The following SPOCK1 variants were observed in gnomAD, a reference collection of about 807,000 sequenced individuals.
The protein encoded by SPOCK1 is SPARC (osteonectin), cwcv and kazal like domains proteoglycan 1.
In SPOCK1, 23 loss-of-function variants were observed where a neutral mutation model predicts 55.3. The ratio of observed to expected loss-of-function variants is 0.42; its 90% confidence interval spans 0.30 to 0.59. SPOCK1 has a LOEUF of 0.59. SPOCK1 is among the 20% of genes least tolerant of loss of function. The pLI is 0.22. For synonymous variants in SPOCK1, 226 were observed against 221.0 expected (o/e 1.02, Z -0.20); for missense variants, 499 against 552.5 (o/e 0.90, Z 0.97).
At chr5:137,293,318 T>C (rs1387902440) in intron 2 of SPOCK1, among the ~76,000 whole-genome samples, 4 of 152,134 alleles carry the variant, frequency 2.6e-5, no homozygotes, top group Admixed American at 6.5e-5. Flanking sequence ...AAGTGGACCA[T>C]GATGAAGGAA....
chr5:137,465,861 G>C (rs1382717503), intron 2 of SPOCK1, among the ~76,000 whole-genome samples: 5 of 152,134 alleles, frequency 3.3e-5, no homozygotes, highest in African/African-American at 4.8e-5. Flanking sequence ...CCAGAATCCA[G>C]GGCTCAGAAT....
chr5:137,329,261 C>T (rs1268552504), intron 2 of SPOCK1, among the ~76,000 whole-genome samples: 1 of 152,054 alleles, frequency 6.6e-6, no homozygotes, highest in Non-Finnish European at 1.5e-5. Context: ...GGCCTTGAGC[C>T]TACCAAATCT....
intron 3 of SPOCK1, among the ~76,000 whole-genome samples, chr5:137,240,151 A>G (rs1756255478): frequency 6.6e-6 from 1 of 152,344 alleles, no homozygotes; most frequent in East Asian, 1.9e-4. Flanking sequence ...TGAAGGACAC[A>G]AAAGAAAATT....
At chr5:137,163,810 G>C (rs1754602266) in intron 3 of SPOCK1, among the ~76,000 whole-genome samples, 1 of 152,192 alleles carries the variant, frequency 6.6e-6, no homozygotes, top group Non-Finnish European at 1.5e-5. Context: ...AGGACAACAT[G>C]TGACTCTCAA....
chr5:137,384,239 T>A (rs1200557555), intron 2 of SPOCK1, among the ~76,000 whole-genome samples: 1 of 152,206 alleles, frequency 6.6e-6, no homozygotes, highest in African/African-American at 2.4e-5. Flanking sequence ...CTCTGAGGAA[T>A]AAGCACAAAT....
chr5:137,373,458 C>T (rs1185926579), intron 2 of SPOCK1, among the ~76,000 whole-genome samples: 1 of 152,198 alleles, frequency 6.6e-6, no homozygotes, highest in Non-Finnish European at 1.5e-5. Context: ...CACCAATTCC[C>T]CTGCAGCATC....
chr5:137,419,414 T>C (rs1752433165), intron 2 of SPOCK1, among the ~76,000 whole-genome samples: 1 of 152,170 alleles, frequency 6.6e-6, no homozygotes, highest in Admixed American at 6.5e-5. Flanking sequence ...TTCACGATAT[T>C]GATTCTTCCT....
chr5:137,370,659 A>C (rs761418605), intron 2 of SPOCK1, among the ~76,000 whole-genome samples: 4 of 152,256 alleles, frequency 2.6e-5, no homozygotes, highest in African/African-American at 4.8e-5. Flanking sequence ...TGGTAAAGTC[A>C]CCAGCAAATT....
At chr5:136,997,455 G>A (rs544856365) in intron 6 of SPOCK1, among the ~76,000 whole-genome samples, 2 of 151,900 alleles carry the variant, frequency 1.3e-5, no homozygotes, top group Middle Eastern at 3.4e-3. Flanking sequence ...TTTCCAAAAC[G>A]GACATTTGAT....
intron 6 of SPOCK1, among the ~76,000 whole-genome samples, chr5:137,057,385 G>C (rs1752320427): frequency 6.6e-6 from 1 of 152,156 alleles, no homozygotes; most frequent in Non-Finnish European, 1.5e-5. Flanking sequence ...TAACCAACCT[G>C]AACATCTATC....
intron 2 of SPOCK1, among the ~76,000 whole-genome samples, chr5:137,293,732 A>T (rs1204626295): frequency 6.6e-6 from 1 of 152,208 alleles, no homozygotes; most frequent in Non-Finnish European, 1.5e-5. Context: ...ACTTTCAACG[A>T]TGCACCGGGC....
At chr5:137,127,482 G>T (rs1753800432) in intron 4 of SPOCK1, among the ~76,000 whole-genome samples, 1 of 152,224 alleles carries the variant, frequency 6.6e-6, no homozygotes, top group African/African-American at 2.4e-5. Flanking sequence ...CATCTCAATG[G>T]GTCCAGAAGG....
intron 2 of SPOCK1, among the ~76,000 whole-genome samples, chr5:137,333,071 G>A (rs911266161): frequency 1.3e-5 from 2 of 152,164 alleles, no homozygotes; most frequent in African/African-American, 4.8e-5. Context: ...CTGCCTACTA[G>A]CAGAGCCCCA....
At chr5:137,200,190 C>T (rs1034084409) in intron 3 of SPOCK1, among the ~76,000 whole-genome samples, 1 of 152,184 alleles carries the variant, frequency 6.6e-6, no homozygotes, top group Non-Finnish European at 1.5e-5. Flanking sequence ...CACCCTCCAC[C>T]AGATGTCCCT....
Position 137,123,690 on chromosome 5 carries a change from GA to G in SPOCK1, c.348-11130del, listed in dbSNP as rs372258442. The stretch of plus-strand genomic sequence containing the variant: ...CATGACATAAGAGCTGTCCACACAG[GA>G]AAGCTACCTCAGAAAGTTGGTAGGC... On this transcript the variant is annotated intron_variant, in intron 4 of 10. Coordinates refer to ENST00000394945, the MANE Select transcript of SPOCK1 (RefSeq NM_004598.4). Among the ~76,000 whole-genome samples the G allele has an allele frequency of 8.1e-4, 124 of 152,200 alleles. 1 individual carries two copies. In the East Asian group the frequency reaches 0.02, roughly 24 times the overall value.
chr5:137,073,887 A>G (rs1308477397), intron 5 of SPOCK1, among the ~76,000 whole-genome samples: 1 of 152,198 alleles, frequency 6.6e-6, no homozygotes, highest in African/African-American at 2.4e-5. Context: ...CAAAGAAGAA[A>G]ATGCACACTT....
intron 2 of SPOCK1, among the ~76,000 whole-genome samples, chr5:137,489,904 G>A (rs576684021): frequency 5.9e-5 from 9 of 152,304 alleles, no homozygotes; most frequent in African/African-American, 2.2e-4. Flanking sequence ...GCAGTCCCCA[G>A]CCAAAAAGGT....
chr5:137,435,514 C>T (rs984879751), intron 2 of SPOCK1, among the ~76,000 whole-genome samples: 1 of 152,044 alleles, frequency 6.6e-6, no homozygotes, highest in African/African-American at 2.4e-5. Flanking sequence ...TATTTTGTCT[C>T]CTGTTGTTTC....
At chr5:137,161,477 G>T (rs1348835832) in intron 3 of SPOCK1, among the ~76,000 whole-genome samples, 1 of 151,940 alleles carries the variant, frequency 6.6e-6, no homozygotes, top group Non-Finnish European at 1.5e-5. Context: ...GGGTTTCTTT[G>T]GGCTCCAACG....
Sources: allele counts gnomAD v4.1 joint callset (sites outside exome capture counted in the v4.1 genomes callset), GRCh38; gene constraint gnomAD v4.1.1; transcripts MANE v1.5; gene names NCBI Gene and HGNC (gene_info 2026-07-23, HGNC 2026-07-21).